RBL1: variants seen among roughly 807,000 people sequenced by gnomAD.
The protein encoded by RBL1 is retinoblastoma-like protein 1.
Under a neutral mutation model 123.0 loss-of-function variants are expected in RBL1, and 82 were observed. The ratio of observed to expected loss-of-function variants is 0.67; its 90% confidence interval spans 0.56 to 0.80. The LOEUF (loss-of-function observed/expected upper bound fraction) is 0.80, where lower values mean the gene tolerates loss of function less well. Ranked by LOEUF, RBL1 falls within the 30% of genes least tolerant of loss-of-function variation. The pLI is 0.00. For missense variants in RBL1, 1,171 were observed against 1,299.6 expected, an observed-to-expected ratio of 0.90 and a Z score of 1.52; for synonymous variants, 405 against 441.3, an observed-to-expected ratio of 0.92 and a Z score of 1.03.
chr20:37,026,929 G>C (rs1049689423), intron 16 of RBL1, among the ~76,000 whole-genome samples: 3 of 150,946 alleles, frequency 2.0e-5, no homozygotes, highest in Admixed American at 6.6e-5. Context: ...TTGAACTAGG[G>C]AGTCAGAGGT....
chr20:37,015,960 G>A (rs1475262791), intron 19 of RBL1, among the ~76,000 whole-genome samples: 2 of 148,912 alleles, frequency 1.3e-5, no homozygotes, highest in Non-Finnish European at 3.0e-5. Flanking sequence ...CTGATTTTGT[G>A]ATCCACCCGC....
chr20:37,031,055 T>C (rs1333636445), intron 16 of RBL1, among the ~76,000 whole-genome samples: 23 of 151,378 alleles, frequency 1.5e-4, no homozygotes, highest in Non-Finnish European at 2.9e-5. Context: ...CAAAAAAAAA[T>C]AGACATAATA....
Position 37,095,905 on chromosome 20 carries a change from A to G in RBL1, c.24T>C (p.Ala8=). Residue 8 remains alanine (A), a synonymous_variant, in exon 1 of 22, where the codon GCT becomes GCC. Transcript: ENST00000373664. MFEDKPH[A]EGAAVVAAAG... ...CTGCGGCGACCACCGCCGCCCCCTCAGCGTGGGGCTTGTCCTCGAACATCC... is the reference window on the plus strand; with the variant it reads ...CTGCGGCGACCACCGCCGCCCCCTCGGCGTGGGGCTTGTCCTCGAACATCC... The G allele has an allele frequency of 6.2e-7, 1 of 1,600,556 alleles. No homozygotes were observed. The highest frequency in any genetic ancestry group is 1.7e-5 in the Admixed American group (1 of 59,176).
At chr20:37,050,827 A>G (rs980902525) in intron 11 of RBL1, among the ~76,000 whole-genome samples, 3 of 151,926 alleles carry the variant, frequency 2.0e-5, no homozygotes, top group Non-Finnish European at 2.9e-5. Flanking sequence ...ATTTAAGAAC[A>G]TCAGTGATAA....
chr20:37,030,866 A>G (rs1236725623), intron 16 of RBL1, among the ~76,000 whole-genome samples: 6 of 146,920 alleles, frequency 4.1e-5, no homozygotes, highest in Non-Finnish European at 9.0e-5. Flanking sequence ...AAAAAAAAAA[A>G]AACAAAAACA....
intron 1 of RBL1, among the ~76,000 whole-genome samples, chr20:37,094,722 T>A (rs1286447940): frequency 6.6e-6 from 1 of 152,216 alleles, no homozygotes; most frequent in African/African-American, 2.4e-5. Context: ...CTGCGGCCTA[T>A]GCCTCCTGGG....
At chr20:37,004,714 CAA>C (rs11361452) in intron 20 of RBL1, among the ~76,000 whole-genome samples, 12,329 of 72,806 alleles carry the variant, frequency 0.17, 799 homozygotes, top group East Asian at 0.47. Flanking sequence ...GACTCTGCCT[CAA>C]AAAAAAAAAA....
At chr20:37,037,853 A>AT (rs2064645957) in intron 14 of RBL1, among the ~76,000 whole-genome samples, 1 of 151,730 alleles carries the variant, frequency 6.6e-6, no homozygotes, top group African/African-American at 2.4e-5. Context: ...TGCTTGCCTA[A>AT]TTTTTTGTAT....
chr20:37,026,384 T>A (rs1366574846), intron 16 of RBL1, among the ~76,000 whole-genome samples: 1 of 152,132 alleles, frequency 6.6e-6, no homozygotes, highest in Non-Finnish European at 1.5e-5. Flanking sequence ...TTAAAGAAGA[T>A]TTATTTAGCA....
chr20:37,011,507 T>C (rs1281023665), intron 19 of RBL1, among the ~76,000 whole-genome samples: 3 of 149,532 alleles, frequency 2.0e-5, no homozygotes, highest in Non-Finnish European at 4.4e-5. Context: ...CAATCTCAGC[T>C]CACTGCAACC....
intron 15 of RBL1, 89 bp downstream of exon 15, chr20:37,035,153 G>T: frequency 7.9e-7 from 1 of 1,261,908 alleles, no homozygotes; most frequent in Non-Finnish European, 1.1e-6. Context: ...AAAATAATGA[G>T]TTAGAAAAAC....
At chr20:37,047,611 T>G (rs1210154409) in intron 11 of RBL1, among the ~76,000 whole-genome samples, 1 of 152,160 alleles carries the variant, frequency 6.6e-6, no homozygotes, top group Non-Finnish European at 1.5e-5. Context: ...AAAGTAAAAG[T>G]CCTACTTTAC....
intron 11 of RBL1, chr20:37,049,708 C>A: frequency 1.4e-6 from 1 of 717,248 alleles, no homozygotes; most frequent in Non-Finnish European, 2.5e-6. Context: ...AGATAACTAA[C>A]TGTGTATGAG....
intron 14 of RBL1, among the ~76,000 whole-genome samples, chr20:37,035,725 T>C (rs1238273019): frequency 6.6e-6 from 1 of 152,242 alleles, no homozygotes; most frequent in Admixed American, 6.5e-5. Flanking sequence ...CTCATCTTCC[T>C]GGTTTCTTGA....
intron 2 of RBL1, among the ~76,000 whole-genome samples, chr20:37,088,292 G>A (rs192729774): frequency 1.2e-3 from 188 of 151,120 alleles, no homozygotes; most frequent in African/African-American, 4.4e-3. Context: ...GAGAGAGAGA[G>A]AAAGATCTAT....
chr20:37,040,118 T>G lies in RBL1; in HGVS notation c.1903+35A>C, dbSNP rs751045146. On this transcript the variant is annotated intron_variant, in intron 14 of 21. Coordinates refer to ENST00000373664, the MANE Select transcript of RBL1 (RefSeq NM_002895.5). ...CTGAAAAAAAGCCAAATGCCCTTTGTTACTTTTTCATTCCTTTACCAATGT... is the reference window on the plus strand; with the variant it reads ...CTGAAAAAAAGCCAAATGCCCTTTGGTACTTTTTCATTCCTTTACCAATGT... 1.9e-6 allele frequency: 3 copies of G among 1,605,142 alleles called. No individual in the cohort carries two copies. The Admixed American group carries it at 5.3e-5, about 28-fold the overall frequency.
intron 11 of RBL1, chr20:37,049,215 CAAAAAACAA>C: frequency 2.4e-6 from 1 of 412,216 alleles, no homozygotes; most frequent in Non-Finnish European, 4.4e-6. Flanking sequence ...AAACAAAAAA[CAAAAAACAA>C]AAAAAAATTT....
intron 16 of RBL1, among the ~76,000 whole-genome samples, chr20:37,027,530 C>T (rs111720638): frequency 0.012 from 1,885 of 152,220 alleles, 45 homozygotes; most frequent in African/African-American, 0.043. Context: ...AACCATCTAG[C>T]TGTGGGATGC....
At chr20:37,038,364 C>T (rs1222931570) in intron 14 of RBL1, among the ~76,000 whole-genome samples, 2 of 147,890 alleles carry the variant, frequency 1.4e-5, no homozygotes, top group African/African-American at 2.5e-5. Context: ...GGCAATGGCA[C>T]GATCTTTGCT....
Sources: allele counts gnomAD v4.1 joint callset (sites outside exome capture counted in the v4.1 genomes callset), GRCh38; gene constraint gnomAD v4.1.1; transcripts MANE v1.5; gene names NCBI Gene and HGNC (gene_info 2026-07-23, HGNC 2026-07-21).